TRIM24: variants seen among roughly 807,000 people sequenced by gnomAD.
The protein encoded by TRIM24 is transcription intermediary factor 1-alpha.
A neutral mutation model predicts 123.9 loss-of-function variants in TRIM24; 29 were observed. That is an observed-to-expected ratio of 0.23 (90% CI 0.17 to 0.32). The LOEUF (loss-of-function observed/expected upper bound fraction) is 0.32, where lower values mean the gene tolerates loss of function less well. TRIM24 is among the 10% of genes least tolerant of loss of function. The pLI is 1.00. For synonymous variants in TRIM24, 456 were observed against 461.1 expected, an observed-to-expected ratio of 0.99 and a Z score of 0.14; for missense variants, 932 against 1,295.3, an observed-to-expected ratio of 0.72 and a Z score of 4.31.
chr7:138,552,282 T>C (rs1023309693), intron 8 of TRIM24, among the ~76,000 whole-genome samples: 6 of 152,204 alleles, frequency 3.9e-5, no homozygotes, highest in African/African-American at 1.2e-4. Context: ...TCAGAACATA[T>C]CCCCATCCTT....
At chr7:138,569,014 AT>A (rs1563063782) in intron 10 of TRIM24, among the ~76,000 whole-genome samples, 1 of 152,208 alleles carries the variant, frequency 6.6e-6, no homozygotes, top group Non-Finnish European at 1.5e-5. Context: ...TTAAAATAAA[AT>A]TCATACCTAT....
At chr7:138,581,246 A>G (rs1375101201) in intron 16 of TRIM24, among the ~76,000 whole-genome samples, 1 of 152,262 alleles carries the variant, frequency 6.6e-6, no homozygotes, top group Middle Eastern at 3.2e-3. Context: ...ATTCACTGCC[A>G]GTACTACTCA....
intron 1 of TRIM24, among the ~76,000 whole-genome samples, chr7:138,475,073 C>A (rs1795366599): frequency 1.3e-5 from 2 of 152,066 alleles, no homozygotes. Context: ...TTTCAGACAG[C>A]CAAGAAATGG....
At chr7:138,522,107 A>C (rs2116570028) in intron 4 of TRIM24, among the ~76,000 whole-genome samples, 1 of 152,226 alleles carries the variant, frequency 6.6e-6, no homozygotes, top group African/African-American at 2.4e-5. Flanking sequence ...AGCAAGACCT[A>C]TCTCTAAAAA....
intron 1 of TRIM24, among the ~76,000 whole-genome samples, chr7:138,476,607 AAAG>A (rs1563024408): frequency 6.6e-6 from 1 of 152,066 alleles, no homozygotes; most frequent in Admixed American, 6.6e-5. Flanking sequence ...AAAAAAAAAA[AAAG>A]AAATTCCCCC....
chr7:138,500,563 C>CAAAAAAA (rs773042715), intron 1 of TRIM24, among the ~76,000 whole-genome samples: 2 of 61,436 alleles, frequency 3.3e-5, no homozygotes, highest in Non-Finnish European at 7.0e-5. Flanking sequence ...GACCTTGTTT[C>CAAAAAAA]AAAAAAAAAA....
chr7:138,475,408 C>T (rs1168936297), intron 1 of TRIM24, among the ~76,000 whole-genome samples: 3 of 152,180 alleles, frequency 2.0e-5, no homozygotes, highest in Non-Finnish European at 4.4e-5. Flanking sequence ...TATATATTCT[C>T]ACTGTGACAG....
In TRIM24 at chr7:138,587,439, G is replaced by C. The variant is rs1798039922; in HGVS notation, c.*2488G>C. 6.6e-6 allele frequency: 1 copy of C among 152,178 alleles called. No homozygotes were observed. Among genetic ancestry groups the C allele is most frequent in the African/African-American group, 2.4e-5 (1 of 41,436 alleles). The allele number at this position is 152,178 out of a possible 1,614,324, so 9.4% of individuals were successfully genotyped here. ...TAATATCCTTTGACTTTATTAATAA[G>C]TACCTGTGTGCCCAGGTGGATCTCA... On this transcript the variant is annotated 3_prime_UTR_variant, in exon 19 of 19. Transcript: ENST00000343526.
intron 9 of TRIM24, among the ~76,000 whole-genome samples, chr7:138,555,777 C>T (rs1797304061): frequency 1.3e-5 from 2 of 152,072 alleles, no homozygotes; most frequent in South Asian, 4.1e-4. Flanking sequence ...CCACTGTGCC[C>T]AGCCCCTAAT....
chr7:138,589,141 C>A lies in TRIM24; in HGVS notation c.*4190C>A, dbSNP rs1402872648. On this transcript the variant is annotated 3_prime_UTR_variant, in exon 19 of 19. Transcript: ENST00000343526. Reference sequence around the variant, plus strand: ...CCCTATGTAAATTAATAGTTGATGTCTTTTTATAAATGTTTATTGCATATT... The same window carrying A: ...CCCTATGTAAATTAATAGTTGATGTATTTTTATAAATGTTTATTGCATATT... The A allele has an allele frequency of 6.6e-6, 1 of 151,834 alleles. No homozygotes were observed. The highest frequency in any genetic ancestry group is 2.4e-5 in the African/African-American group (1 of 41,330). 9.4% of individuals were successfully genotyped at this position (151,834 alleles called of 1,614,324 possible).
intron 2 of TRIM24, among the ~76,000 whole-genome samples, chr7:138,504,739 C>A (rs191456784): frequency 6.0e-5 from 9 of 151,106 alleles, no homozygotes; most frequent in Admixed American, 4.6e-4. Flanking sequence ...GGATTACAGG[C>A]GTGAGCCACC....
intron 4 of TRIM24, among the ~76,000 whole-genome samples, chr7:138,522,989 A>G (rs527626135): frequency 6.6e-6 from 1 of 152,204 alleles, no homozygotes; most frequent in Non-Finnish European, 1.5e-5. Context: ...TATTAAATGC[A>G]TATGTTATAT....
At chr7:138,534,426 T>C (rs1273464159) in intron 6 of TRIM24, among the ~76,000 whole-genome samples, 1 of 152,236 alleles carries the variant, frequency 6.6e-6, no homozygotes, top group Admixed American at 6.5e-5. Context: ...TTTGTTCTTA[T>C]TGGTTGCAAA....
At chr7:138,462,479 T>TAC (rs1238936940) in intron 1 of TRIM24, among the ~76,000 whole-genome samples, 34 of 151,416 alleles carry the variant, frequency 2.2e-4, no homozygotes, top group Admixed American at 1.9e-3. Flanking sequence ...TAGCTGGGAC[T>TAC]ACAGGCGCCC....
At chr7:138,482,815 T>C (rs2116480614) in intron 1 of TRIM24, among the ~76,000 whole-genome samples, 1 of 152,214 alleles carries the variant, frequency 6.6e-6, no homozygotes, top group South Asian at 2.1e-4. Flanking sequence ...GTTGCCCAGG[T>C]GGGTCTTGAA....
At chr7:138,552,483 TACAA>T (rs1453016799) in intron 8 of TRIM24, among the ~76,000 whole-genome samples, 2 of 152,160 alleles carry the variant, frequency 1.3e-5, no homozygotes, top group East Asian at 3.9e-4. Context: ...AGGGAAACTA[TACAA>T]ACAAATTTAA....
intron 10 of TRIM24, among the ~76,000 whole-genome samples, chr7:138,568,914 A>G (rs2116666405): frequency 6.6e-6 from 1 of 152,282 alleles, no homozygotes; most frequent in South Asian, 2.1e-4. Context: ...TTCTAAAAGT[A>G]TGTACACTCT....
In TRIM24 at chr7:138,560,534, G is replaced by C. The variant is rs963223225; in HGVS notation, c.1530+5568G>C. On this transcript the variant is annotated intron_variant, in intron 9 of 18. Coordinates refer to ENST00000343526, the MANE Select transcript of TRIM24 (RefSeq NM_015905.3). ...CTATTTACTGTATTCCTGGGGCCGA[G>C]TGGGCCCTTGCCGTGGGTTGTTCTG... Among the ~76,000 whole-genome samples, 7 of 152,330 alleles carry C rather than the reference G, an allele frequency of 4.6e-5. No individual in the cohort carries two copies. The East Asian group carries it at 1.4e-3, about 29-fold the overall frequency.
At chr7:138,569,290 A>T (rs1193585245) in intron 10 of TRIM24, among the ~76,000 whole-genome samples, 4 of 152,230 alleles carry the variant, frequency 2.6e-5, no homozygotes, top group South Asian at 4.1e-4. Flanking sequence ...ATGTTTTTTT[A>T]AAATGGTTGT....
Sources: allele counts gnomAD v4.1 joint callset (sites outside exome capture counted in the v4.1 genomes callset), GRCh38; gene constraint gnomAD v4.1.1; transcripts MANE v1.5; gene names NCBI Gene and HGNC (gene_info 2026-07-23, HGNC 2026-07-21).